RBFOX1: variants seen among roughly 807,000 people sequenced by gnomAD.
RBFOX1 encodes RNA binding fox-1 homolog 1, also known as RNA binding protein fox-1 homolog 1.
A neutral mutation model predicts 57.7 loss-of-function variants in RBFOX1; 8 were observed. The observed-to-expected ratio is 0.14, with a 90% CI of 0.08 to 0.25. RBFOX1 has a LOEUF of 0.25. Ranked by LOEUF, RBFOX1 falls within the 10% of genes least tolerant of loss-of-function variation. The probability of loss-of-function intolerance (pLI) is 1.00; values close to 1 mark genes in which losing one functional copy is unlikely to be tolerated. For missense variants in RBFOX1, 611 were observed against 548.5 expected (o/e 1.11, Z -1.14); for synonymous variants, 326 against 222.4 (o/e 1.47, Z -4.15).
At chr16:5,618,539 G>A (rs930467972) in intron 3 of RBFOX1, among the ~76,000 whole-genome samples, 58 of 152,094 alleles carry the variant, frequency 3.8e-4, no homozygotes, top group Admixed American at 4.6e-4. Flanking sequence ...GGGTTTCACC[G>A]TGTTAGCCAG....
chr16:6,926,193 G>C (rs552842848), intron 3 of RBFOX1, among the ~76,000 whole-genome samples: 2 of 152,266 alleles, frequency 1.3e-5, no homozygotes, highest in South Asian at 2.1e-4. Context: ...TGTAATCTCA[G>C]CTAATCCAGA....
intron 2 of RBFOX1, among the ~76,000 whole-genome samples, chr16:6,633,461 TA>T (rs1765027045): frequency 6.6e-6 from 1 of 152,046 alleles, no homozygotes; most frequent in African/African-American, 2.4e-5. Flanking sequence ...CATTTATTAT[TA>T]TTATTTTTTT....
chr16:6,356,281 A>C (rs1372477175), intron 2 of RBFOX1, among the ~76,000 whole-genome samples: 1 of 152,188 alleles, frequency 6.6e-6, no homozygotes, highest in East Asian at 1.9e-4. Flanking sequence ...AAAACCTGCC[A>C]AAAACATCCT....
chr16:7,221,691 C>G (rs1046533461), intron 4 of RBFOX1, among the ~76,000 whole-genome samples: 2 of 152,260 alleles, frequency 1.3e-5, no homozygotes, highest in South Asian at 2.1e-4. Flanking sequence ...TGTAAATTAT[C>G]CTGTTCTCCA....
intron 4 of RBFOX1, among the ~76,000 whole-genome samples, chr16:7,148,729 C>A (rs1178994481): frequency 2.0e-5 from 3 of 152,180 alleles, no homozygotes. Context: ...ATGAGGCAAT[C>A]GTTTGAGCAG....
chr16:7,597,509 CA>C (rs762339335), intron 9 of RBFOX1, 78 bp downstream of exon 9: 376 of 1,317,454 alleles, frequency 2.9e-4, no homozygotes, highest in Middle Eastern at 1.7e-3. Context: ...GATTCTATTA[CA>C]ACAAGCTGTG....
At chr16:5,954,089 C>T (rs1006609945) in intron 4 of RBFOX1, among the ~76,000 whole-genome samples, 1 of 152,142 alleles carries the variant, frequency 6.6e-6, no homozygotes, top group Non-Finnish European at 1.5e-5. Flanking sequence ...ACAGGACAGC[C>T]CCCTGCCATC....
chr16:5,630,732 C>G (rs1056116488), intron 3 of RBFOX1, among the ~76,000 whole-genome samples: 1 of 152,094 alleles, frequency 6.6e-6, no homozygotes, highest in Non-Finnish European at 1.5e-5. Context: ...TCATTCATAC[C>G]CAGGCAGTAT....
At chr16:7,188,288 T>C (rs1240487487) in intron 4 of RBFOX1, among the ~76,000 whole-genome samples, 1 of 152,256 alleles carries the variant, frequency 6.6e-6, no homozygotes, top group Non-Finnish European at 1.5e-5. Flanking sequence ...GTGCTTTAAG[T>C]TAAAATGAAG....
intron 3 of RBFOX1, among the ~76,000 whole-genome samples, chr16:5,683,817 A>T (rs2050420988): frequency 1.3e-5 from 2 of 148,446 alleles, no homozygotes; most frequent in South Asian, 4.2e-4. Context: ...TATACAACAT[A>T]TAATTTAATG....
chr16:5,383,794 A>C (rs2066190340), intron 1 of RBFOX1, among the ~76,000 whole-genome samples: 1 of 152,342 alleles, frequency 6.6e-6, no homozygotes, highest in South Asian at 2.1e-4. Context: ...TCCTGGGGCT[A>C]CAAGTGACAG....
chr16:5,560,712 C>T (rs563750503), intron 2 of RBFOX1, among the ~76,000 whole-genome samples: 42 of 152,272 alleles, frequency 2.8e-4, no homozygotes, highest in African/African-American at 9.4e-4. Flanking sequence ...TTTTCTTAAC[C>T]TACCAAAGTT....
chr16:7,136,116 G>T (rs1364687742), intron 4 of RBFOX1, among the ~76,000 whole-genome samples: 1 of 152,214 alleles, frequency 6.6e-6, no homozygotes, highest in Non-Finnish European at 1.5e-5. Flanking sequence ...CAAAGGAAGA[G>T]ATTGGCTGGA....
At chr16:5,691,889 A>G (rs1405405037) in intron 3 of RBFOX1, among the ~76,000 whole-genome samples, 9 of 152,236 alleles carry the variant, frequency 5.9e-5, no homozygotes, top group Non-Finnish European at 1.3e-4. Flanking sequence ...GATTCAAGCC[A>G]GAGCTTCTTG....
At chr16:5,454,437 C>A (rs990212396) in intron 1 of RBFOX1, among the ~76,000 whole-genome samples, 1 of 152,174 alleles carries the variant, frequency 6.6e-6, no homozygotes, top group Non-Finnish European at 1.5e-5. Flanking sequence ...TATGTGGTTA[C>A]ATGTTATTCT....
intron 4 of RBFOX1, among the ~76,000 whole-genome samples, chr16:7,213,724 G>T (rs1462641853): frequency 2.6e-5 from 4 of 152,158 alleles, no homozygotes; most frequent in Non-Finnish European, 5.9e-5. Context: ...GTTCCAGAAG[G>T]CTAGGGAATA....
intron 4 of RBFOX1, among the ~76,000 whole-genome samples, chr16:7,097,861 G>A (rs1483441054): frequency 6.6e-6 from 1 of 152,190 alleles, no homozygotes; most frequent in Non-Finnish European, 1.5e-5. Flanking sequence ...TAGGGAGAAG[G>A]GGTTGGGGAA....
chr16:7,481,287 A>G (rs539569685), intron 4 of RBFOX1, among the ~76,000 whole-genome samples: 46 of 152,346 alleles, frequency 3.0e-4, no homozygotes, highest in African/African-American at 1.0e-3. Context: ...TTTTGTGGAT[A>G]ATAGAAATCG....
chr16:6,187,743 G>C (rs2097114128), intron 1 of RBFOX1, among the ~76,000 whole-genome samples: 1 of 152,128 alleles, frequency 6.6e-6, no homozygotes, highest in Admixed American at 6.5e-5. Context: ...TGGCAAAGTG[G>C]GATGTAGAGA....
Sources: gnomAD v4.1 joint callset for allele counts (sites outside exome capture counted in the v4.1 genomes callset) on GRCh38, gnomAD v4.1.1 for gene constraint, MANE v1.5 for transcripts, NCBI Gene and HGNC (gene_info 2026-07-23, HGNC 2026-07-21) for gene names.